The following L3MBTL4 variants were observed in gnomAD, a reference collection of about 807,000 sequenced individuals.
L3MBTL4 encodes the protein L3MBTL histone methyl-lysine binding protein 4.
L3MBTL4 carries 70 observed loss-of-function variants against 84.5 expected under a neutral mutation model. The observed-to-expected ratio is 0.83, with a 90% CI of 0.68 to 1.01. The LOEUF (loss-of-function observed/expected upper bound fraction) is 1.01, where lower values mean the gene tolerates loss of function less well. L3MBTL4 is among the 50% of genes least tolerant of loss of function. L3MBTL4 has a pLI of 0.00. For missense variants in L3MBTL4, 715 were observed against 754.8 expected, an observed-to-expected ratio of 0.95 and a Z score of 0.62; for synonymous variants, 274 against 259.8, an observed-to-expected ratio of 1.05 and a Z score of -0.52.
At chr18:6,099,248 A>AT (rs1246574594) in intron 14 of L3MBTL4, among the ~76,000 whole-genome samples, 27 of 152,216 alleles carry the variant, frequency 1.8e-4, no homozygotes, top group African/African-American at 6.5e-4. Flanking sequence ...CTACTCTCAC[A>AT]CAGTATAAGG....
intron 16 of L3MBTL4, among the ~76,000 whole-genome samples, chr18:6,042,601 G>A (rs79377206): frequency 6.6e-6 from 1 of 152,134 alleles, no homozygotes; most frequent in Non-Finnish European, 1.5e-5. Flanking sequence ...GCATTGTCCA[G>A]TACTGAGACC....
At position 6,093,221 on chromosome 18, in the gene L3MBTL4, C is replaced by T. The variant is rs966433394; in HGVS notation, c.1373+134G>A. The T allele has an allele frequency of 2.2e-5, 15 of 685,308 alleles. No homozygotes were observed. In the South Asian group the frequency reaches 2.6e-4, roughly 12 times the overall value. The allele number at this position is 685,308 out of a possible 1,614,324, so 42.5% of individuals were successfully genotyped here. A position where few individuals can be genotyped will look rare whatever the true frequency, so the allele number is the denominator to read the frequency against. Reference sequence around the variant, plus strand: ...GCTTAGATGAATTTTATCAGCCCAGCGAACCTAATAATATCCAGAAATAAA... The same window carrying T: ...GCTTAGATGAATTTTATCAGCCCAGTGAACCTAATAATATCCAGAAATAAA... On this transcript the variant is annotated intron_variant, in intron 15 of 18. Transcript: ENST00000317931.
At chr18:6,192,388 G>A (rs1005866404) in intron 12 of L3MBTL4, among the ~76,000 whole-genome samples, 1 of 152,092 alleles carries the variant, frequency 6.6e-6, no homozygotes, top group African/African-American at 2.4e-5. Context: ...TAGATAAGGG[G>A]GTGCTTCATT....
chr18:6,302,920 G>A (rs1486401819), intron 3 of L3MBTL4, among the ~76,000 whole-genome samples: 1 of 152,176 alleles, frequency 6.6e-6, no homozygotes, highest in African/African-American at 2.4e-5. Flanking sequence ...GAATCTGGGA[G>A]GCGGAGGTTG....
At chr18:6,408,306 G>C (rs1205307185) in intron 1 of L3MBTL4, among the ~76,000 whole-genome samples, 3 of 152,038 alleles carry the variant, frequency 2.0e-5, no homozygotes, top group African/African-American at 7.2e-5. Flanking sequence ...CCACATTCAT[G>C]GTAAATAAGA....
chr18:6,147,757 C>T (rs2042717303), intron 13 of L3MBTL4, among the ~76,000 whole-genome samples: 1 of 152,166 alleles, frequency 6.6e-6, no homozygotes, highest in Admixed American at 6.5e-5. Context: ...TCTGACATAG[C>T]TTCAGAGCAG....
At chr18:6,349,745 C>A (rs2053088832) in intron 1 of L3MBTL4, among the ~76,000 whole-genome samples, 1 of 152,060 alleles carries the variant, frequency 6.6e-6, no homozygotes, top group Non-Finnish European at 1.5e-5. Flanking sequence ...AGAATACACA[C>A]TGATTTGACT....
chr18:6,036,166 T>C (rs61159582), intron 16 of L3MBTL4, among the ~76,000 whole-genome samples: 2,393 of 152,344 alleles, frequency 0.016, 72 homozygotes, highest in African/African-American at 0.054. Flanking sequence ...GTTTGGATCT[T>C]TGAGTTTCTC....
At chr18:6,292,148 C>T (rs2049895019) in intron 4 of L3MBTL4, among the ~76,000 whole-genome samples, 1 of 152,092 alleles carries the variant, frequency 6.6e-6, no homozygotes, top group Admixed American at 6.5e-5. Context: ...ATGTAGCATG[C>T]ATCAATTAAA....
intron 16 of L3MBTL4, among the ~76,000 whole-genome samples, chr18:6,037,951 A>G (rs1473723484): frequency 6.6e-6 from 1 of 152,224 alleles, no homozygotes; most frequent in Admixed American, 6.5e-5. Flanking sequence ...CACTGGGAAG[A>G]AAGAAGTTGA....
chr18:6,283,728 T>C (rs920582498), intron 4 of L3MBTL4, among the ~76,000 whole-genome samples: 4 of 152,216 alleles, frequency 2.6e-5, no homozygotes, highest in African/African-American at 9.7e-5. Context: ...AGATATATTA[T>C]CTATTACTCC....
chr18:6,324,492 T>C lies in L3MBTL4; in HGVS notation c.-90-12436A>G, dbSNP rs557766723. Among the ~76,000 whole-genome samples, 3 of 152,346 alleles carry C rather than the reference T, an allele frequency of 2.0e-5. No homozygotes were observed. The South Asian group carries it at 6.2e-4, about 32-fold the overall frequency. On this transcript the variant is annotated intron_variant, in intron 1 of 18. Transcript: ENST00000317931. ...AGGAGCTGAGGCTCCTGAGTCCTTG[T>C]TGGACCAAAGGCACTCAACTCAGGC...
intron 3 of L3MBTL4, 22 bp from the exon 4 acceptor site, chr18:6,301,979 T>C (rs773730926): frequency 1.3e-6 from 2 of 1,580,396 alleles, no homozygotes; most frequent in South Asian, 2.2e-5. Flanking sequence ...AAAATGGTGT[T>C]TAGATGGTAT....
chr18:6,077,497 G>GGGT (rs1183849435), intron 16 of L3MBTL4, among the ~76,000 whole-genome samples: 1 of 151,988 alleles, frequency 6.6e-6, no homozygotes, highest in Non-Finnish European at 1.5e-5. Flanking sequence ...TGAAAATGAT[G>GGGT]GGTAGTCTTT....
At chr18:6,392,160 A>C (rs2144535544) in intron 1 of L3MBTL4, among the ~76,000 whole-genome samples, 1 of 152,302 alleles carries the variant, frequency 6.6e-6, no homozygotes, top group South Asian at 2.1e-4. Context: ...AGGCACACAA[A>C]CCAATGGAAC....
chr18:6,253,484 G>A lies in L3MBTL4; in HGVS notation c.220-8896C>T, dbSNP rs1226676036. ...GTGGCCAGATTCAGTACATACTTAG[G>A]GGGTAAAATGGGCAGTGCCTGATGC... On this transcript the variant is annotated intron_variant, in intron 5 of 18. Coordinates refer to ENST00000317931, the MANE Select transcript of L3MBTL4 (RefSeq NM_001330559.2). Among the ~76,000 whole-genome samples, 3 of 152,304 alleles carry A rather than the reference G, an allele frequency of 2.0e-5. No individual in the cohort carries two copies. In the East Asian group the frequency reaches 5.8e-4, roughly 29 times the overall value.
At chr18:6,363,083 G>A (rs929415422) in intron 1 of L3MBTL4, among the ~76,000 whole-genome samples, 1 of 152,168 alleles carries the variant, frequency 6.6e-6, no homozygotes, top group Admixed American at 6.5e-5. Flanking sequence ...ACATATATCG[G>A]GGATGAAGTT....
At chr18:6,012,667 TA>T (rs11453210) in intron 16 of L3MBTL4, among the ~76,000 whole-genome samples, 171 of 146,394 alleles carry the variant, frequency 1.2e-3, no homozygotes, top group African/African-American at 2.8e-3. Flanking sequence ...TCTACAAAAT[TA>T]AAAAAAAAAA....
chr18:6,410,316 G>C (rs371579683), intron 1 of L3MBTL4, among the ~76,000 whole-genome samples: 1 of 152,208 alleles, frequency 6.6e-6, no homozygotes, highest in Non-Finnish European at 1.5e-5. Flanking sequence ...TCTGCATTAC[G>C]CACTCACGTG....
Sources: allele counts gnomAD v4.1 joint callset (sites outside exome capture counted in the v4.1 genomes callset), GRCh38; gene constraint gnomAD v4.1.1; transcripts MANE v1.5; gene names NCBI Gene and HGNC (gene_info 2026-07-23, HGNC 2026-07-21).